The following ARHGAP27 variants were observed in gnomAD, a reference collection of about 807,000 sequenced individuals.
ARHGAP27 encodes the protein rho GTPase-activating protein 27.
ARHGAP27 carries 53 observed loss-of-function variants against 102.0 expected under a neutral mutation model. The observed-to-expected ratio is 0.52, with a 90% confidence interval of 0.42 to 0.65. ARHGAP27 has a LOEUF of 0.65. Among genes scored for constraint, ARHGAP27 ranks in the 30% least tolerant of loss-of-function variants. ARHGAP27 has a pLI of 0.00. For missense variants in ARHGAP27, 1,117 were observed against 1,256.2 expected (o/e 0.89, Z 1.68); for synonymous variants, 525 against 542.8 (o/e 0.97, Z 0.46).
intron 12 of ARHGAP27, among the ~76,000 whole-genome samples, chr17:45,398,742 A>C (rs997197427): frequency 6.7e-4 from 102 of 152,088 alleles, no homozygotes; most frequent in African/African-American, 2.3e-3. Flanking sequence ...TCAAAAAAAA[A>C]AAAACAAAAC....
chr17:45,411,317 A>C (rs1028782677), intron 4 of ARHGAP27, among the ~76,000 whole-genome samples: 2 of 151,906 alleles, frequency 1.3e-5, no homozygotes, highest in Non-Finnish European at 2.9e-5. Context: ...CCCCAGGCTT[A>C]AGGGCCAGGC....
chr17:45,416,278 TCTCCTGAC>T (rs1185523666), intron 4 of ARHGAP27, among the ~76,000 whole-genome samples: 2 of 151,704 alleles, frequency 1.3e-5, no homozygotes, highest in Admixed American at 6.6e-5. Context: ...ATGGTCTCAA[TCTCCTGAC>T]CTCGTGATCC....
intron 4 of ARHGAP27, among the ~76,000 whole-genome samples, chr17:45,418,271 T>TAAA (rs66460873): frequency 1.0e-4 from 10 of 100,118 alleles, no homozygotes; most frequent in South Asian, 3.3e-4. Flanking sequence ...TAATAAAAAG[T>TAAA]AAAAAAAAAA....
chr17:45,422,315 G>A (rs887061398), intron 4 of ARHGAP27, among the ~76,000 whole-genome samples: 2 of 151,726 alleles, frequency 1.3e-5, no homozygotes, highest in Admixed American at 6.6e-5. Context: ...TTCTCAAGGT[G>A]CTGAGGCAGG....
intron 4 of ARHGAP27, 28 bp from the exon 5 acceptor site, chr17:45,406,111 T>G: frequency 6.0e-6 from 9 of 1,490,756 alleles, no homozygotes; most frequent in Non-Finnish European, 7.1e-6. Flanking sequence ...AGGAATTTTG[T>G]GTTTTCAGAA....
chr17:45,426,858 T>A (rs2049661804), intron 4 of ARHGAP27, among the ~76,000 whole-genome samples: 1 of 152,166 alleles, frequency 6.6e-6, no homozygotes, highest in Admixed American at 6.5e-5. Context: ...GAGCGTCTAG[T>A]GGTCACTTAG....
At chr17:45,407,231 C>T (rs2047288217) in intron 4 of ARHGAP27, among the ~76,000 whole-genome samples, 2 of 152,148 alleles carry the variant, frequency 1.3e-5, no homozygotes, top group South Asian at 4.1e-4. Flanking sequence ...AGGTCCCCAC[C>T]GTCCCTGCTG....
intron 4 of ARHGAP27, among the ~76,000 whole-genome samples, chr17:45,415,734 C>T (rs1304742411): frequency 1.3e-5 from 2 of 152,102 alleles, no homozygotes; most frequent in East Asian, 1.9e-4. Context: ...TAGAGGAAGA[C>T]GGAAACACTG....
chr17:45,418,004 T>A (rs1240706613), intron 4 of ARHGAP27, among the ~76,000 whole-genome samples: 2 of 148,272 alleles, frequency 1.3e-5, no homozygotes, highest in Non-Finnish European at 3.0e-5. Flanking sequence ...GCCACTGCAC[T>A]CCAGCCTGGG....
At chr17:45,403,335 G>A (rs62064600) in intron 11 of ARHGAP27, among the ~76,000 whole-genome samples, 21,113 of 152,134 alleles carry the variant, frequency 0.14, 1,764 homozygotes, top group Middle Eastern at 0.24. Context: ...CGAGGTGGGC[G>A]GATCACCTGA....
At chr17:45,428,115 AG>A (rs1478104038) in intron 4 of ARHGAP27, among the ~76,000 whole-genome samples, 1 of 152,232 alleles carries the variant, frequency 6.6e-6, no homozygotes, top group Non-Finnish European at 1.5e-5. Flanking sequence ...TCAAAGAGCA[AG>A]GCCATTCCCC....
chr17:45,395,716 C>T, intron 19 of ARHGAP27, 28 bp downstream of exon 19: 1 of 1,572,972 alleles, frequency 6.4e-7, no homozygotes. Flanking sequence ...ACCTGCCTCC[C>T]CCTTCCCGCG....
At chr17:45,417,835 C>G (rs1360049340) in intron 4 of ARHGAP27, among the ~76,000 whole-genome samples, 1 of 151,638 alleles carries the variant, frequency 6.6e-6, no homozygotes, top group African/African-American at 2.4e-5. Context: ...GGGTGGATCA[C>G]AAGGTCAGGA....
rs1388300075 is a variant in ARHGAP27, at chr17:45,404,622, A to G, written c.1308T>C (p.Ser436=). ...TTACCTGGGGCAGCTCCCATCGAACAGAGGAGTCCTCTGGATTGTAGAAGT... is the reference window on the plus strand; with the variant it reads ...TTACCTGGGGCAGCTCCCATCGAACGGAGGAGTCCTCTGGATTGTAGAAGT... ...KPYFYNPEDS[S]VRWELPQVPV... Residue 436 remains serine (S), a synonymous_variant, in exon 7 of 20, where the codon TCT becomes TCC. Transcript: ENST00000685559. 6.2e-7 allele frequency: 1 copy of G among 1,613,904 alleles called. No individual in the cohort carries two copies. Among genetic ancestry groups the G allele is most frequent in the Non-Finnish European group, 8.5e-7 (1 of 1,179,928 alleles).
chr17:45,405,451 G>A (rs927759385), intron 5 of ARHGAP27, among the ~76,000 whole-genome samples: 1 of 150,792 alleles, frequency 6.6e-6, no homozygotes, highest in Non-Finnish European at 1.5e-5. Flanking sequence ...GGGAGCAGGA[G>A]GTGGGGTCAA....
Position 45,397,031 on chromosome 17 carries a change from T to G in ARHGAP27, c.1843-7A>C, listed in dbSNP as rs774663381. ...CTGGGGGCAGCTCTGCGGACTGGATTCCCATAGCCTCAGAGAGGCGGGGCC... is the reference window on the plus strand; with the variant it reads ...CTGGGGGCAGCTCTGCGGACTGGATGCCCATAGCCTCAGAGAGGCGGGGCC... On this transcript the variant is annotated splice_polypyrimidine_tract_variant and splice_region_variant and intron_variant, in intron 13 of 19. Coordinates refer to ENST00000685559, the MANE Select transcript of ARHGAP27 (RefSeq NM_001282290.2). The G allele has an allele frequency of 2.5e-6, 4 of 1,602,064 alleles. No individual in the cohort carries two copies. The highest frequency in any genetic ancestry group is 2.5e-6 in the Non-Finnish European group (3 of 1,179,876).
Position 45,404,295 on chromosome 17 carries a change from C to T in ARHGAP27, c.1453G>A (p.Val485Ile), listed in dbSNP as rs200826138. The change falls in exon 9 of 20, where the codon GTC becomes ATC. Residue 485 changes from valine (V) to isoleucine (I), a missense_variant. Val to Ile is a conservative substitution (Grantham distance 29). Coordinates refer to ENST00000685559, the MANE Select transcript of ARHGAP27 (RefSeq NM_001282290.2). ...ELDEVGSWEE[V>I]SPATAAVRTK... Reference sequence around the variant, plus strand: ...CTCACAGCAGCTGTGGCAGGAGAGACTTCCTCCCAGCTCCCAACCTCATCC... The same window carrying T: ...CTCACAGCAGCTGTGGCAGGAGAGATTTCCTCCCAGCTCCCAACCTCATCC... 1.2e-6 allele frequency: 2 copies of T among 1,614,048 alleles called. No individual in the cohort carries two copies. Among genetic ancestry groups the T allele is most frequent in the Non-Finnish European group, 1.7e-6 (2 of 1,179,986 alleles).
rs1045068634 is a variant in ARHGAP27, at chr17:45,427,140, C to T, written c.657+2483G>A. The stretch of plus-strand genomic sequence containing the variant: ...CGGCCCCCAGACCCTGCCCATCCAT[C>T]TCCCAAACCTCTGTTTCCACACATG... On this transcript the variant is annotated intron_variant, in intron 4 of 19. Coordinates refer to ENST00000685559, the MANE Select transcript of ARHGAP27 (RefSeq NM_001282290.2). The surrounding 1 kb of genome is among the most constrained non-coding windows in gnomAD (Gnocchi z 4.5). Among the ~76,000 whole-genome samples the T allele has an allele frequency of 2.7e-5, 4 of 148,398 alleles. No individual in the cohort carries two copies. Among genetic ancestry groups the T allele is most frequent in the African/African-American group, 1.0e-4 (4 of 39,800 alleles).
chr17:45,413,533 A>G (rs970689867), intron 4 of ARHGAP27, among the ~76,000 whole-genome samples: 2 of 152,214 alleles, frequency 1.3e-5, no homozygotes, highest in Non-Finnish European at 2.9e-5. Flanking sequence ...GGCTGGTTCT[A>G]TGAAAGAACT....
Sources: allele counts gnomAD v4.1 joint callset (sites outside exome capture counted in the v4.1 genomes callset), GRCh38; gene constraint gnomAD v4.1.1; non-coding constraint Gnocchi (gnomAD v3.1); transcripts MANE v1.5; gene names NCBI Gene and HGNC (gene_info 2026-07-23, HGNC 2026-07-21).